Variants in MAGI1 observed in about 807,000 individuals in gnomAD.
MAGI1 encodes the protein membrane-associated guanylate kinase, WW and PDZ domain-containing protein 1.
Under a neutral mutation model 139.9 loss-of-function variants are expected in MAGI1, and 58 were observed. The observed-to-expected ratio is 0.41, with a 90% CI of 0.34 to 0.52. The LOEUF (loss-of-function observed/expected upper bound fraction) is 0.52. Among genes scored for constraint, MAGI1 ranks in the 20% least tolerant of loss-of-function variants. The pLI, the probability that MAGI1 is intolerant of heterozygous loss-of-function variation, is 0.12. For synonymous variants in MAGI1, 812 were observed against 737.9 expected (o/e 1.10, Z -1.63); for missense variants, 1,874 against 1,901.6 (o/e 0.99, Z 0.27).
At chr3:65,711,417 A>T (rs2031396815) in intron 1 of MAGI1, among the ~76,000 whole-genome samples, 1 of 152,212 alleles carries the variant, frequency 6.6e-6, no homozygotes, top group African/African-American at 2.4e-5. Flanking sequence ...CTCTAAAAAC[A>T]GATAATTCAA....
chr3:65,969,579 A>T (rs1313045578), intron 1 of MAGI1, among the ~76,000 whole-genome samples: 1 of 152,188 alleles, frequency 6.6e-6, no homozygotes, highest in Non-Finnish European at 1.5e-5. Flanking sequence ...AATGTGGCTG[A>T]ATAACTAGAG....
intron 1 of MAGI1, among the ~76,000 whole-genome samples, chr3:65,664,878 C>A (rs936692031): frequency 2.0e-5 from 3 of 152,102 alleles, no homozygotes; most frequent in African/African-American, 7.2e-5. Flanking sequence ...TTTAAAATGA[C>A]CTCCAATTGT....
chr3:65,684,081 G>A (rs1236540478), intron 1 of MAGI1, among the ~76,000 whole-genome samples: 15 of 149,390 alleles, frequency 1.0e-4, no homozygotes, highest in African/African-American at 3.2e-4. Context: ...GGCTGGGGCA[G>A]GAGGATTGCT....
chr3:65,978,743 CT>C (rs1284165500), intron 1 of MAGI1, among the ~76,000 whole-genome samples: 1 of 151,774 alleles, frequency 6.6e-6, no homozygotes, highest in African/African-American at 2.4e-5. Flanking sequence ...ATTTTCCAGC[CT>C]TGCGTCCTGA....
intron 1 of MAGI1, among the ~76,000 whole-genome samples, chr3:65,782,970 T>C (rs1302823741): frequency 6.7e-6 from 1 of 148,870 alleles, no homozygotes; most frequent in Non-Finnish European, 1.5e-5. Context: ...TTCTTAGATA[T>C]AATCCCAAAG....
intron 1 of MAGI1, among the ~76,000 whole-genome samples, chr3:65,650,467 C>CTATT (rs2085517092): frequency 6.6e-6 from 1 of 152,128 alleles, no homozygotes; most frequent in Non-Finnish European, 1.5e-5. Flanking sequence ...AAGGAAGGAA[C>CTATT]TATTGATACA....
intron 1 of MAGI1, among the ~76,000 whole-genome samples, chr3:65,972,976 A>C (rs2065080009): frequency 6.6e-6 from 1 of 151,916 alleles, no homozygotes; most frequent in Non-Finnish European, 1.5e-5. Context: ...TACCAACTAC[A>C]CTTTTACTCA....
intron 1 of MAGI1, among the ~76,000 whole-genome samples, chr3:65,976,530 C>A (rs1163194629): frequency 6.6e-6 from 1 of 152,092 alleles, no homozygotes; most frequent in Non-Finnish European, 1.5e-5. Context: ...ACTCAGGAGG[C>A]TGCAACACGA....
At chr3:65,839,928 T>C (rs567439800) in intron 1 of MAGI1, among the ~76,000 whole-genome samples, 22 of 152,320 alleles carry the variant, frequency 1.4e-4, no homozygotes, top group Non-Finnish European at 2.6e-4. Context: ...TTAGGTCTCA[T>C]TTATTGTCTT....
At chr3:65,482,271 G>A (rs1394326542) in intron 3 of MAGI1, among the ~76,000 whole-genome samples, 1 of 152,222 alleles carries the variant, frequency 6.6e-6, no homozygotes, top group Non-Finnish European at 1.5e-5. Context: ...AAGACAAAAT[G>A]AGACGGTCTG....
chr3:65,412,521 T>C (rs1945873096), intron 12 of MAGI1, among the ~76,000 whole-genome samples: 1 of 152,204 alleles, frequency 6.6e-6, no homozygotes, highest in South Asian at 2.1e-4. Flanking sequence ...CAGGGACCTA[T>C]TCTATTTTAT....
chr3:66,034,937 T>A (rs570385732), intron 1 of MAGI1, among the ~76,000 whole-genome samples: 12 of 152,034 alleles, frequency 7.9e-5, no homozygotes, highest in Admixed American at 7.2e-4. Flanking sequence ...ATGAGAAAAA[T>A]TTCTGGGGTG....
chr3:65,379,100 C>T, intron 17 of MAGI1, 161 bp downstream of exon 17: 1 of 1,457,138 alleles, frequency 6.9e-7, no homozygotes, highest in Non-Finnish European at 9.3e-7. Flanking sequence ...AGGGAAAAAG[C>T]TACCAAATCA....
chr3:65,472,348 T>C (rs1414096751), intron 4 of MAGI1, among the ~76,000 whole-genome samples: 1 of 152,176 alleles, frequency 6.6e-6, no homozygotes, highest in Non-Finnish European at 1.5e-5. Context: ...TTAAAATGCA[T>C]ATTTCTGGCT....
rs921058180 is a variant in MAGI1 at position 66,026,959 on chromosome 3, T to G, written c.313+11037A>C. Among the ~76,000 whole-genome samples the G allele has an allele frequency of 2.0e-5, 3 of 151,818 alleles. No homozygotes were observed. In the East Asian group the frequency reaches 5.8e-4, roughly 29 times the overall value. On this transcript the variant is annotated intron_variant, in intron 1 of 22. Transcript: ENST00000402939. Reference sequence around the variant, plus strand: ...ATTTCTTTCTTTTTTCTTTTTTTTTTCTTCTTTTTCTTAAAAAAAGAGAGG... The same window carrying G: ...ATTTCTTTCTTTTTTCTTTTTTTTTGCTTCTTTTTCTTAAAAAAAGAGAGG...
At chr3:65,795,778 T>C (rs1267151108) in intron 1 of MAGI1, among the ~76,000 whole-genome samples, 1 of 150,082 alleles carries the variant, frequency 6.7e-6, no homozygotes, top group Non-Finnish European at 1.5e-5. Flanking sequence ...CCGAGGGGTG[T>C]GATGGCTCAT....
At chr3:65,939,149 T>C (rs558199780) in intron 1 of MAGI1, among the ~76,000 whole-genome samples, 1 of 152,214 alleles carries the variant, frequency 6.6e-6, no homozygotes, top group Non-Finnish European at 1.5e-5. Flanking sequence ...GGCTACTAAG[T>C]CATCAATGAA....
chr3:65,737,670 C>T (rs1419837832), intron 1 of MAGI1, among the ~76,000 whole-genome samples: 2 of 152,146 alleles, frequency 1.3e-5, no homozygotes, highest in Non-Finnish European at 1.5e-5. Flanking sequence ...AAAGATTTTA[C>T]ATGGGTAGGT....
intron 5 of MAGI1, among the ~76,000 whole-genome samples, chr3:65,469,182 G>A (rs1352675251): frequency 6.6e-6 from 1 of 152,092 alleles, no homozygotes; most frequent in Non-Finnish European, 1.5e-5. Flanking sequence ...TAGGATATGT[G>A]TGTATACATG....
Sources: allele counts gnomAD v4.1 joint callset (sites outside exome capture counted in the v4.1 genomes callset), GRCh38; gene constraint gnomAD v4.1.1; transcripts MANE v1.5; gene names NCBI Gene and HGNC (gene_info 2026-07-23, HGNC 2026-07-21).